DENND5B: variants seen among roughly 807,000 people sequenced by gnomAD.
The protein encoded by DENND5B is DENN domain containing 5B.
DENND5B carries 34 observed loss-of-function variants against 140.6 expected under a neutral mutation model. The observed-to-expected ratio is 0.24, with a 90% CI of 0.18 to 0.32. The LOEUF (loss-of-function observed/expected upper bound fraction) is 0.32. Ranked by LOEUF, DENND5B falls within the 10% of genes least tolerant of loss-of-function variation. The pLI, the probability that DENND5B is intolerant of heterozygous loss-of-function variation, is 1.00. For synonymous variants in DENND5B, 551 were observed against 562.1 expected, an observed-to-expected ratio of 0.98 and a Z score of 0.28; for missense variants, 1,142 against 1,560.2, an observed-to-expected ratio of 0.73 and a Z score of 4.52.
At chr12:31,399,939 A>C (rs1325127579) in intron 15 of DENND5B, among the ~76,000 whole-genome samples, 167 bp from the exon 16 acceptor site, 2 of 152,192 alleles carry the variant, frequency 1.3e-5, no homozygotes, top group African/African-American at 4.8e-5. Flanking sequence ...CCTTGCTCTC[A>C]GGGAGCTCCC....
At chr12:31,485,668 C>T (rs558620766) in intron 2 of DENND5B, among the ~76,000 whole-genome samples, 13 of 152,150 alleles carry the variant, frequency 8.5e-5, no homozygotes, top group Admixed American at 3.3e-4. Context: ...AAGTAAAATG[C>T]AACAGCAGTG....
At chr12:31,457,069 C>A (rs904694453) in intron 4 of DENND5B, among the ~76,000 whole-genome samples, 2 of 152,122 alleles carry the variant, frequency 1.3e-5, no homozygotes, top group Non-Finnish European at 2.9e-5. Flanking sequence ...CAGAGTGAGA[C>A]CCTGTCTAAA....
Position 31,415,444 on chromosome 12 carries a change from G to T in DENND5B, c.2475C>A (p.Ala825=). ...KQEHLAESPV[A]LGPERRKSDS... ...CAGATTTTCTTCTTTCTGGTCCGAG[G>T]GCAACTATGTAGAAAAATATCAACA... Residue 825 remains alanine (A), a synonymous_variant, in exon 12 of 21, where the codon GCC becomes GCA. Transcript: ENST00000389082. 6.2e-7 allele frequency: 1 copy of T among 1,603,790 alleles called. No individual in the cohort carries two copies. Among genetic ancestry groups the T allele is most frequent in the South Asian group, 1.1e-5 (1 of 89,102 alleles).
At chr12:31,540,856 T>C (rs1371432916) in intron 1 of DENND5B, 3 of 310,090 alleles carry the variant, frequency 9.7e-6, no homozygotes, top group Admixed American at 3.7e-5. Flanking sequence ...ACAGACACAT[T>C]AGACCAGTGA....
intron 3 of DENND5B, among the ~76,000 whole-genome samples, chr12:31,475,062 G>A (rs200930863): frequency 5.3e-4 from 81 of 152,274 alleles, no homozygotes; most frequent in East Asian, 2.7e-3. Flanking sequence ...CTTACTAGCT[G>A]TATCATCTTG....
At chr12:31,548,018 TA>T (rs1379518389) in intron 1 of DENND5B, among the ~76,000 whole-genome samples, 1 of 152,194 alleles carries the variant, frequency 6.6e-6, no homozygotes, top group East Asian at 1.9e-4. Context: ...TAAAAAGTTT[TA>T]AAGGCATTTG....
intron 8 of DENND5B, among the ~76,000 whole-genome samples, chr12:31,431,405 T>C (rs1470876239): frequency 6.6e-6 from 1 of 152,182 alleles, no homozygotes; most frequent in Non-Finnish European, 1.5e-5. Context: ...TAGTGCAAGC[T>C]GGCATGCAGG....
At chr12:31,430,502 A>T (rs1943463304) in intron 8 of DENND5B, among the ~76,000 whole-genome samples, 1 of 139,052 alleles carries the variant, frequency 7.2e-6, no homozygotes, top group African/African-American at 2.7e-5. Context: ...AAATACAAAA[A>T]AAAAAAAAAA....
At chr12:31,569,037 T>C (rs935546067) in intron 1 of DENND5B, among the ~76,000 whole-genome samples, 1 of 148,314 alleles carries the variant, frequency 6.7e-6, no homozygotes, top group Non-Finnish European at 1.5e-5. Context: ...GGTACATACA[T>C]GCCACCACAC....
chr12:31,443,426 A>G (rs2137996149), intron 6 of DENND5B, among the ~76,000 whole-genome samples: 1 of 152,324 alleles, frequency 6.6e-6, no homozygotes, highest in Non-Finnish European at 1.5e-5. Context: ...ATGTAAGTAT[A>G]AAAAGTTAAC....
At chr12:31,521,075 A>G (rs891644621) in intron 1 of DENND5B, among the ~76,000 whole-genome samples, 1 of 151,908 alleles carries the variant, frequency 6.6e-6, no homozygotes, top group Non-Finnish European at 1.5e-5. Context: ...CATATCAAGC[A>G]GCACAGCCTT....
rs58069719 is a variant in DENND5B, at chr12:31,516,477, CAAA to C, written c.128-20561_128-20559del. ...GGACAATAAGAGTGAGACCCTGTCT[CAAA>C]AAAAAAAAAAAAAAAAAGTTAACCC... On this transcript the variant is annotated intron_variant, in intron 1 of 20. Transcript: ENST00000389082. Among the ~76,000 whole-genome samples the C allele has an allele frequency of 1.7e-3, 116 of 68,652 alleles. 1 individual carries two copies. The highest frequency in any genetic ancestry group is 4.2e-3 in the African/African-American group (103 of 24,498). 45.0% of individuals were successfully genotyped at this position (68,652 alleles called of 152,430 possible). A position where few individuals can be genotyped will look rare whatever the true frequency, so the allele number is the denominator to read the frequency against.
intron 1 of DENND5B, among the ~76,000 whole-genome samples, chr12:31,559,168 G>A (rs556821682): frequency 3.9e-5 from 6 of 152,074 alleles, no homozygotes; most frequent in Non-Finnish European, 8.8e-5. Context: ...GTCAGTCTTC[G>A]GTCTATTTTA....
chr12:31,518,105 T>G (rs1364569189), intron 1 of DENND5B, among the ~76,000 whole-genome samples: 2 of 152,220 alleles, frequency 1.3e-5, no homozygotes, highest in Non-Finnish European at 2.9e-5. Flanking sequence ...ACTGAAGCTC[T>G]GGAAGTCAGA....
intron 1 of DENND5B, among the ~76,000 whole-genome samples, chr12:31,520,784 C>A (rs770094095): frequency 8.5e-5 from 13 of 152,122 alleles, no homozygotes; most frequent in Non-Finnish European, 1.6e-4. Context: ...TCATGATCCA[C>A]ACACCTCGGC....
chr12:31,579,754 A>AGAGG (rs1950151875), intron 1 of DENND5B, among the ~76,000 whole-genome samples: 2 of 116,802 alleles, frequency 1.7e-5, no homozygotes, highest in Non-Finnish European at 3.4e-5. Flanking sequence ...GGGAAGGGAG[A>AGAGG]GAGGGAGGAA....
chr12:31,582,027 C>T (rs190984169), intron 1 of DENND5B, among the ~76,000 whole-genome samples: 4 of 152,298 alleles, frequency 2.6e-5, no homozygotes, highest in African/African-American at 9.6e-5. Context: ...ACAAAAAACA[C>T]GTACATGCAA....
rs563291811 is a variant in DENND5B at position 31,494,039 on chromosome 12, A to G, written c.237+1771T>C. Among the ~76,000 whole-genome samples the G allele has an allele frequency of 6.6e-5, 10 of 152,252 alleles. No homozygotes were observed. In the South Asian group the frequency reaches 2.1e-3, roughly 32 times the overall value. On this transcript the variant is annotated intron_variant, in intron 2 of 20. Coordinates refer to ENST00000389082, the MANE Select transcript of DENND5B (RefSeq NM_144973.4). ...ATCATAGAGTTTATGAACATCTCAA[A>G]TATTATTCAGGCTTCTAAGAAGAGC...
At position 31,401,917 on chromosome 12, in the gene DENND5B, G is replaced by A. The variant is rs530940696; in HGVS notation, c.2949+581C>T. ...TGAGATTATAGGCATGAGTCACTGC[G>A]CCTGGCCAAAAGGCATTTTTATAGA... On this transcript the variant is annotated intron_variant, in intron 15 of 20. Transcript: ENST00000389082. 3.9e-5 allele frequency among the ~76,000 whole-genome samples: 6 copies of A among 152,170 alleles called. 1 individual carries two copies. Among genetic ancestry groups the A allele is most frequent in the African/African-American group, 1.2e-4 (5 of 41,530 alleles).
Sources: allele counts gnomAD v4.1 joint callset (sites outside exome capture counted in the v4.1 genomes callset), GRCh38; gene constraint gnomAD v4.1.1; transcripts MANE v1.5; gene names NCBI Gene and HGNC (gene_info 2026-07-23, HGNC 2026-07-21).